The following ARHGEF1 variants were observed in gnomAD, a reference collection of about 807,000 sequenced individuals.
The protein encoded by ARHGEF1 is 115 kDa guanine nucleotide exchange factor.
In ARHGEF1, 40 loss-of-function variants were observed where a neutral mutation model predicts 119.7. The ratio of observed to expected loss-of-function variants is 0.33; its 90% CI spans 0.26 to 0.44. The LOEUF (loss-of-function observed/expected upper bound fraction) is 0.44, where lower values mean the gene tolerates loss of function less well. Among genes scored for constraint, ARHGEF1 ranks in the 20% least tolerant of loss-of-function variants. ARHGEF1 has a pLI of 1.00. For missense variants in ARHGEF1, 976 were observed against 1,268.3 expected (o/e 0.77, Z 3.50); for synonymous variants, 494 against 521.0 (o/e 0.95, Z 0.71).
downstream of ARHGEF1, among the ~76,000 whole-genome samples, chr19:41,910,517 CT>C (rs1222277462): frequency 6.6e-6 from 1 of 152,140 alleles, no homozygotes; most frequent in Admixed American, 6.6e-5. The surrounding 1 kb of genome is among the most constrained non-coding windows in gnomAD (Gnocchi z 4.4). Context: ...GCCCTCAGCT[CT>C]TACTGTCTCT....
chr19:41,907,637 C>A (rs969210425), downstream of ARHGEF1: 1 of 484,210 alleles, frequency 2.1e-6, no homozygotes, highest in South Asian at 2.8e-5. Context: ...GGGTATGAGG[C>A]GTCTCCCTGA....
intron 4 of ARHGEF1, among the ~76,000 whole-genome samples, 171 bp from the exon 5 acceptor site, chr19:41,891,854 A>G (rs890259486): frequency 2.0e-5 from 3 of 152,278 alleles, no homozygotes; most frequent in Middle Eastern, 3.4e-3. Context: ...CTGCAGGGGA[A>G]CCCAGGGCCT....
Position 41,903,481 on chromosome 19 carries a change from T to A in ARHGEF1, c.1839+74T>A. 2.1e-6 allele frequency: 3 copies of A among 1,439,716 alleles called. No individual in the cohort carries two copies. The highest frequency in any genetic ancestry group is 2.9e-6 in the Non-Finnish European group (3 of 1,034,148). 89.2% of individuals were successfully genotyped at this position (1,439,716 alleles called of 1,614,324 possible). On this transcript the variant is annotated intron_variant, in intron 19 of 28. Transcript: ENST00000354532. The surrounding 1 kb of genome is among the most constrained non-coding windows in gnomAD (Gnocchi z 4.2). ...AGGGGGTGGACCCTACCTCAGCCTGTCCAGAAGTCACACCCCACCCCTTGG... is the reference window on the plus strand; with the variant it reads ...AGGGGGTGGACCCTACCTCAGCCTGACCAGAAGTCACACCCCACCCCTTGG...
intron 14 of ARHGEF1, among the ~76,000 whole-genome samples, chr19:41,900,073 C>T (rs557479803): frequency 2.8e-4 from 43 of 152,274 alleles, no homozygotes; most frequent in African/African-American, 1.0e-3. Context: ...GTGGCTCATG[C>T]CTGTGATCCC....
chr19:41,913,515 G>A (rs1362368948), intron 18 of ARHGEF1, among the ~76,000 whole-genome samples: 1 of 151,602 alleles, frequency 6.6e-6, no homozygotes, highest in African/African-American at 2.4e-5. Context: ...CGGGCTGCAG[G>A]GGGGCAGGCC....
chr19:41,928,874 C>A (rs781938202), exon 2 of ARHGEF1: 1 of 455,286 alleles, frequency 2.2e-6, no homozygotes, highest in Non-Finnish European at 4.4e-6. Flanking sequence ...GAGGTGGCGA[C>A]GATGCGTCCA....
intron 13 of ARHGEF1, 116 bp downstream of exon 13, chr19:41,896,598 C>T (rs1256133019): frequency 2.5e-6 from 2 of 814,850 alleles, no homozygotes; most frequent in South Asian, 1.4e-5. Context: ...TCCCCATGCT[C>T]CTCTGCTGCT....
upstream of ARHGEF1, among the ~76,000 whole-genome samples, chr19:41,921,275 A>C (rs1162884498): frequency 7.9e-5 from 12 of 151,994 alleles, no homozygotes; most frequent in Non-Finnish European, 1.5e-4. The surrounding 1 kb of genome is among the most constrained non-coding windows in gnomAD (Gnocchi z 4.4). Context: ...AGAAGGGGAG[A>C]CATGCAGGGA....
chr19:41,896,527 C>T (rs782019742), intron 13 of ARHGEF1, 45 bp downstream of exon 13: 17 of 1,464,068 alleles, frequency 1.2e-5, no homozygotes, highest in East Asian at 5.0e-5. Flanking sequence ...GCTTACTGGG[C>T]GCTGGTGGGT....
intron 1 of ARHGEF1, among the ~76,000 whole-genome samples, chr19:41,924,554 A>G (rs1301203800): frequency 6.6e-6 from 1 of 151,848 alleles, no homozygotes; most frequent in African/African-American, 2.4e-5. Context: ...CCATCAGTAT[A>G]TATGGGGAGG....
upstream of ARHGEF1, among the ~76,000 whole-genome samples, chr19:41,918,756 C>T (rs2074819580): frequency 6.7e-6 from 1 of 150,022 alleles, no homozygotes; most frequent in African/African-American, 2.5e-5. Context: ...ACACACACCA[C>T]ATATACATCT....
Position 41,917,410 on chromosome 19 carries a change from C to T in ARHGEF1, c.1866-5682C>T, listed in dbSNP as rs1037172360. On this transcript the variant is annotated intron_variant, in intron 18 of 20. Transcript: ENST00000599589. The surrounding 1 kb of genome is among the most constrained non-coding windows in gnomAD (Gnocchi z 4.8). ...TTGTTTTGATTTCTCTAAGCTGCGC[C>T]GGCCGCCTCGGGAGCCGCCTCGGGC... Among the ~76,000 whole-genome samples, 5 of 152,188 alleles carry T rather than the reference C, an allele frequency of 3.3e-5. No homozygotes were observed. The highest frequency in any genetic ancestry group is 1.9e-4 in the East Asian group (1 of 5,170).
chr19:41,904,656 A>G lies in ARHGEF1; in HGVS notation c.2161+273A>G, dbSNP rs1046055516. On this transcript the variant is annotated intron_variant, in intron 22 of 28. Transcript: ENST00000354532. The surrounding 1 kb of genome is among the most constrained non-coding windows in gnomAD (Gnocchi z 8.4). ...GTGAGGAGGGATTTGTAAACATACT[A>G]CTAGGAAGTTGCACCAGGGCCACAA... Among the ~76,000 whole-genome samples, 5 of 152,118 alleles carry G rather than the reference A, an allele frequency of 3.3e-5. No homozygotes were observed. The highest frequency in any genetic ancestry group is 1.9e-4 in the East Asian group (1 of 5,190).
intron 12 of ARHGEF1, 60 bp from the exon 13 acceptor site, chr19:41,896,317 G>T: frequency 1.1e-6 from 1 of 902,200 alleles, no homozygotes. Flanking sequence ...CAGGCCCCCA[G>T]AGTGTGGGTC....
chr19:41,904,055 G>A lies in ARHGEF1; in HGVS notation c.1938G>A (p.Lys646=). 1 of 1,614,116 alleles carries A rather than the reference G, an allele frequency of 6.2e-7. No individual in the cohort carries two copies. Among genetic ancestry groups the A allele is most frequent in the Non-Finnish European group, 8.5e-7 (1 of 1,180,028 alleles). The change falls in exon 21 of 29, where the codon AAG becomes AAA. Residue 646 remains lysine, a synonymous_variant. Transcript: ENST00000354532. The surrounding 1 kb of genome is among the most constrained non-coding windows in gnomAD (Gnocchi z 8.4). ...CCCAGAACCTGGACATCACCAAGAA[G>A]AAATTGGTCCACGAGGGCCCACTGA... ...SEFKNLDITK[K]KLVHEGPLTW... is the part of the protein sequence containing the mutation.
At chr19:41,909,767 A>G, downstream of ARHGEF1, 1 of 1,352,600 alleles carries the variant, frequency 7.4e-7, no homozygotes, top group Non-Finnish European at 1.0e-6. The surrounding 1 kb of genome is among the most constrained non-coding windows in gnomAD (Gnocchi z 5.2). Flanking sequence ...GCCTTGTGGG[A>G]TCCAGCAGGA....
chr19:41,892,355 A>G lies in ARHGEF1; in HGVS notation c.349A>G (p.Asn117Asp). Residue 117 changes from asparagine (N) to aspartate (D), a missense_variant, in exon 6 of 29, where the codon AAC becomes GAC. By Grantham distance (23) the Asn-to-Asp change is conservative (BLOSUM62 1). Transcript: ENST00000354532. The surrounding 1 kb of genome is among the most constrained non-coding windows in gnomAD (Gnocchi z 6.3). ...TAVLRVPVPP[N>D]VAFELDRTRA... ...GGTTCTCCGGGTGCCGGTCCCTCCC[A>G]ACGTCGCCTTTGAACTTGGTAAGGA... The G allele has an allele frequency of 6.2e-7, 1 of 1,613,934 alleles. No homozygotes were observed. Among genetic ancestry groups the G allele is most frequent in the Non-Finnish European group, 8.5e-7 (1 of 1,179,968 alleles).
chr19:41,906,705 G>C lies in ARHGEF1; in HGVS notation c.2658G>C (p.Glu886Asp). Residue 886 changes from glutamate (E) to aspartate (D), a missense_variant and splice_region_variant, in exon 28 of 29, where the codon GAG (glutamate) becomes GAC (aspartate). Glu to Asp is a conservative substitution (Grantham distance 45). Around this residue, in one of 3 missense-constraint regions of ARHGEF1, gnomAD observed 171 missense variants for 180.6 expected, o/e 0.95. Coordinates refer to ENST00000354532, the MANE Select transcript of ARHGEF1 (RefSeq NM_004706.4). This position sits in a 1 kb window ranked among gnomAD's most constrained non-coding sequence, Gnocchi z 4.5. The part of the protein sequence containing the change: ...SLEETMKQLE[E>D]LEEEFCRLRP... ...ATCCATGACCCCCACCCCACCAGGA[G>C]TTGGAGGAGGAATTTTGCCGCCTGA... The C allele has an allele frequency of 6.2e-7, 1 of 1,608,576 alleles. No homozygotes were observed. The highest frequency in any genetic ancestry group is 8.5e-7 in the Non-Finnish European group (1 of 1,177,902).
At chr19:41,919,631 G>A (rs1317978909), upstream of ARHGEF1, among the ~76,000 whole-genome samples, 1 of 151,966 alleles carries the variant, frequency 6.6e-6, no homozygotes, top group African/African-American at 2.4e-5. Flanking sequence ...CAAACACACA[G>A]CTGGTCTGTG....
Sources: allele counts gnomAD v4.1 joint callset (sites outside exome capture counted in the v4.1 genomes callset), GRCh38; gene constraint gnomAD v4.1.1; regional missense constraint gnomAD v4.1.1; non-coding constraint Gnocchi (gnomAD v3.1); transcripts MANE v1.5; gene names NCBI Gene and HGNC (gene_info 2026-07-23, HGNC 2026-07-21).